DENND2C: variants seen among roughly 807,000 people sequenced by gnomAD.
The protein encoded by DENND2C is DENN domain-containing protein 2C.
In DENND2C, 72 loss-of-function variants were observed where a neutral mutation model predicts 112.4. The observed-to-expected ratio is 0.64, with a 90% CI of 0.53 to 0.78. The LOEUF (loss-of-function observed/expected upper bound fraction) is 0.78, where lower values mean the gene tolerates loss of function less well. Among genes scored for constraint, DENND2C ranks in the 30% least tolerant of loss-of-function variants. DENND2C has a pLI of 0.00. For missense variants in DENND2C, 992 were observed against 1,113.8 expected (o/e 0.89, Z 1.56); for synonymous variants, 329 against 381.6 (o/e 0.86, Z 1.61).
In DENND2C at chr1:114,659,034, G is replaced by C. The variant is rs149802847; in HGVS notation, c.-573-4273C>G. On this transcript the variant is annotated intron_variant, in intron 1 of 20. Coordinates refer to ENST00000393274, the MANE Select transcript of DENND2C (RefSeq NM_001256404.2). The stretch of plus-strand genomic sequence containing the variant: ...TTCTCAGTCTTCTGGCTAAGATCAA[G>C]TGTATTGATGTGATAGGGCACAAAT... Among the ~76,000 whole-genome samples, 608 of 152,262 alleles carry C rather than the reference G, an allele frequency of 4.0e-3. 5 individuals carry two copies. The highest frequency in any genetic ancestry group is 0.017 in the Middle Eastern group (5 of 294).
At chr1:114,622,661 C>G (rs1205584474) in intron 6 of DENND2C, among the ~76,000 whole-genome samples, 1 of 152,030 alleles carries the variant, frequency 6.6e-6, no homozygotes, top group Non-Finnish European at 1.5e-5. Flanking sequence ...GTCTCACATA[C>G]TTTCAGGGAC....
intron 10 of DENND2C, among the ~76,000 whole-genome samples, chr1:114,607,308 T>C (rs1316614703): frequency 6.6e-6 from 1 of 152,142 alleles, no homozygotes; most frequent in African/African-American, 2.4e-5. Context: ...TGCAGATCAT[T>C]AAACCCTACA....
intron 1 of DENND2C, among the ~76,000 whole-genome samples, chr1:114,655,904 T>TATA (rs1657303337): frequency 1.2e-5 from 1 of 83,560 alleles, no homozygotes; most frequent in Non-Finnish European, 2.2e-5. Context: ...ATATATAATA[T>TATA]GTATGTCAGT....
At chr1:114,649,132 T>G (rs1657084256) in intron 2 of DENND2C, among the ~76,000 whole-genome samples, 1 of 151,878 alleles carries the variant, frequency 6.6e-6, no homozygotes, top group Non-Finnish European at 1.5e-5. Flanking sequence ...TTTTTGTATT[T>G]TTAGTAGAGA....
intron 2 of DENND2C, among the ~76,000 whole-genome samples, chr1:114,652,736 C>T (rs934277498): frequency 7.0e-6 from 1 of 142,532 alleles, no homozygotes; most frequent in Non-Finnish European, 1.5e-5. Flanking sequence ...AGTGGCTATT[C>T]ACAGACACAA....
At chr1:114,655,423 A>G (rs1657280330) in intron 1 of DENND2C, among the ~76,000 whole-genome samples, 1 of 152,220 alleles carries the variant, frequency 6.6e-6, no homozygotes, top group Non-Finnish European at 1.5e-5. Flanking sequence ...ATGGAACATC[A>G]GCAACAAATT....
In DENND2C at chr1:114,582,864, GTATT is replaced by G. The variant is rs1297205531; in HGVS notation, c.*2732_*2735del. 6.6e-6 allele frequency: 1 copy of G among 152,182 alleles called. No homozygotes were observed. The highest frequency in any genetic ancestry group is 1.5e-5 in the Non-Finnish European group (1 of 68,028). 9.4% of individuals were successfully genotyped at this position (152,182 alleles called of 1,614,324 possible). A position where few individuals can be genotyped will look rare whatever the true frequency, so the allele number is the denominator to read the frequency against. ...TCCAAGGGATCTGTGGGGGGTTTAT[GTATT>G]TATTCATTAAAAGATCTGTAAACAA... On this transcript the variant is annotated 3_prime_UTR_variant, in exon 21 of 21. Coordinates refer to ENST00000393274, the MANE Select transcript of DENND2C (RefSeq NM_001256404.2).
At chr1:114,638,990 A>T (rs12047631) in intron 3 of DENND2C, among the ~76,000 whole-genome samples, 2 of 152,250 alleles carry the variant, frequency 1.3e-5, no homozygotes, top group East Asian at 3.9e-4. Context: ...TACACCTAAA[A>T]AGTCAAACAA....
chr1:114,620,727 AT>A (rs1005037721), intron 7 of DENND2C, among the ~76,000 whole-genome samples: 9 of 148,982 alleles, frequency 6.0e-5, no homozygotes, highest in Admixed American at 2.0e-4. Context: ...AAACAGTTAC[AT>A]TTTTTTTTTC....
At position 114,587,779 on chromosome 1, in the gene DENND2C, T is replaced by C. The variant is rs762275216; in HGVS notation, c.2605A>G (p.Met869Val). 2 of 1,614,146 alleles carry C rather than the reference T, an allele frequency of 1.2e-6. No individual in the cohort carries two copies. The highest frequency in any genetic ancestry group is 4.5e-5 in the East Asian group (2 of 44,878). The change falls in exon 19 of 21, where the codon ATG (methionine) becomes GTG (valine). Residue 869 changes from methionine to valine, a missense_variant. By Grantham distance (21) the Met-to-Val change is conservative. Transcript: ENST00000393274. ...AATCCTGCAAACATCTGAGTTTCCA[T>C]GAAGAGATCCAGGAAGTGGCGTACA... ...RSVRHFLDLF[M>V]ETQMFAGFIQ...
chr1:114,641,749 T>G (rs959337305), intron 3 of DENND2C, among the ~76,000 whole-genome samples: 1 of 152,092 alleles, frequency 6.6e-6, no homozygotes, highest in Non-Finnish European at 1.5e-5. Flanking sequence ...GGTAATCCTT[T>G]ATAGCAACGC....
At chr1:114,635,741 T>C (rs2101676391) in intron 3 of DENND2C, among the ~76,000 whole-genome samples, 1 of 152,256 alleles carries the variant, frequency 6.6e-6, no homozygotes, top group East Asian at 1.9e-4. Context: ...GCGCGATCAC[T>C]CACACCTGTA....
intron 18 of DENND2C, among the ~76,000 whole-genome samples, chr1:114,594,215 C>T (rs1300270468): frequency 6.6e-6 from 1 of 152,104 alleles, no homozygotes; most frequent in Non-Finnish European, 1.5e-5. Context: ...GAGCATGGAC[C>T]TACAGGAAGA....
In DENND2C at chr1:114,587,933, C is replaced by T; in HGVS notation, c.2451G>A (p.Leu817=). Residue 817 remains leucine (L), a synonymous_variant, in exon 19 of 21, where the codon CTG becomes CTA. Transcript: ENST00000393274. ...AAAACCTGACAAATGCTTCGGACAC[C>T]AGAGAGTTGAGTGTCACATCTGCTG... ...NFSQDVTLNS[L]VSEAFVRFFV... The T allele has an allele frequency of 6.2e-7, 1 of 1,614,000 alleles. No homozygotes were observed. Among genetic ancestry groups the T allele is most frequent in the Non-Finnish European group, 8.5e-7 (1 of 1,180,008 alleles).
chr1:114,635,184 A>C (rs1656619194), intron 3 of DENND2C, among the ~76,000 whole-genome samples: 1 of 152,146 alleles, frequency 6.6e-6, no homozygotes, highest in South Asian at 2.1e-4. Flanking sequence ...AAATGTACCA[A>C]CCTTTTCAAC....
Position 114,585,584 on chromosome 1 carries a change from G to C in DENND2C, c.*16C>G. ...CACTTTCTGTTGTATATTCAGGATG[G>C]AGACAATCAGAGATTTCATTTCTTT... On this transcript the variant is annotated 3_prime_UTR_variant, in exon 21 of 21. Transcript: ENST00000393274. The C allele has an allele frequency of 6.2e-7, 1 of 1,613,514 alleles. No homozygotes were observed. The highest frequency in any genetic ancestry group is 8.5e-7 in the Non-Finnish European group (1 of 1,179,526).
In DENND2C at chr1:114,585,541, G is replaced by A; in HGVS notation, c.*59C>T. 2 of 1,582,552 alleles carry A rather than the reference G, an allele frequency of 1.3e-6. No individual in the cohort carries two copies. Among genetic ancestry groups the A allele is most frequent in the Admixed American group, 1.7e-5 (1 of 58,756 alleles). On this transcript the variant is annotated 3_prime_UTR_variant, in exon 21 of 21. Coordinates refer to ENST00000393274, the MANE Select transcript of DENND2C (RefSeq NM_001256404.2). ...ATACTTCATGGGATCCTGACCCTTAGAAAAATATTTTCTTTGGCACTTTCT... is the reference window on the plus strand; with the variant it reads ...ATACTTCATGGGATCCTGACCCTTAAAAAAATATTTTCTTTGGCACTTTCT...
intron 1 of DENND2C, among the ~76,000 whole-genome samples, chr1:114,662,311 AGAC>A (rs1257559545): frequency 1.3e-5 from 2 of 152,186 alleles, no homozygotes; most frequent in Admixed American, 1.3e-4. Context: ...ACAGAAAAAA[AGAC>A]AGAGAAAAAT....
At chr1:114,647,657 G>C (rs1359735436) in intron 2 of DENND2C, among the ~76,000 whole-genome samples, 1 of 152,174 alleles carries the variant, frequency 6.6e-6, no homozygotes, top group Non-Finnish European at 1.5e-5. Context: ...CTAACCTCAA[G>C]TGATTCGCCT....
Sources: gnomAD v4.1 joint callset for allele counts (sites outside exome capture counted in the v4.1 genomes callset) on GRCh38, gnomAD v4.1.1 for gene constraint, MANE v1.5 for transcripts, NCBI Gene and HGNC (gene_info 2026-07-23, HGNC 2026-07-21) for gene names.